ABI1: variants seen among roughly 807,000 people sequenced by gnomAD.
ABI1 encodes the protein abl interactor 1.
Under a neutral mutation model 54.6 loss-of-function variants are expected in ABI1, and 14 were observed. The ratio of observed to expected loss-of-function variants is 0.26; its 90% CI spans 0.17 to 0.40. ABI1 has a LOEUF of 0.40. ABI1 is among the 10% of genes least tolerant of loss of function. The pLI is 1.00. For synonymous variants in ABI1, 194 were observed against 209.3 expected (o/e 0.93, Z 0.63); for missense variants, 443 against 598.3 (o/e 0.74, Z 2.71).
chr10:26,855,950 G>A (rs10829124), intron 1 of ABI1, among the ~76,000 whole-genome samples: 36,069 of 133,380 alleles, frequency 0.27, 5,052 homozygotes, highest in South Asian at 0.44. Context: ...CAGCCTGGGT[G>A]ACAGAGCAAG....
rs546613202 is a variant in ABI1, at chr10:26,769,751, A to G, written c.578+494T>C. ...CTACTCTAGTGTGAAGAGGCCTAAG[A>G]TTACCAGCAGAAGCATAGTTACAAG... On this transcript the variant is annotated intron_variant, in intron 5 of 10. Transcript: ENST00000376140. Among the ~76,000 whole-genome samples, 4 of 152,344 alleles carry G rather than the reference A, an allele frequency of 2.6e-5. No homozygotes were observed. In the East Asian group the frequency reaches 7.7e-4, roughly 29 times the overall value.
intron 7 of ABI1, among the ~76,000 whole-genome samples, chr10:26,760,397 A>C (rs1454434391): frequency 6.6e-6 from 1 of 152,210 alleles, no homozygotes; most frequent in African/African-American, 2.4e-5. Flanking sequence ...ATCAGATAAA[A>C]CCATACAGCA....
chr10:26,801,219 G>A (rs983717519), intron 2 of ABI1, among the ~76,000 whole-genome samples: 5 of 152,078 alleles, frequency 3.3e-5, no homozygotes, highest in East Asian at 1.9e-4. Context: ...AGCGTAATAC[G>A]GTGATGCAGT....
rs1306368705 is a variant in ABI1, at chr10:26,767,467, A to T, written c.719+1385T>A. Among the ~76,000 whole-genome samples, 3 of 152,342 alleles carry T rather than the reference A, an allele frequency of 2.0e-5. No homozygotes were observed. In the East Asian group the frequency reaches 5.8e-4, roughly 29 times the overall value. On this transcript the variant is annotated intron_variant, in intron 6 of 10. Transcript: ENST00000376140. ...GAGAGAGAAAACTGAAGAATAAAAC[A>T]AATTTGGTTATATAATAAATTTATC...
intron 2 of ABI1, among the ~76,000 whole-genome samples, chr10:26,786,264 AGT>A (rs1842725647): frequency 6.7e-6 from 1 of 148,640 alleles, no homozygotes; most frequent in Non-Finnish European, 1.5e-5. Context: ...CCTAGGCTGG[AGT>A]TCAGTGGTGC....
intron 7 of ABI1, among the ~76,000 whole-genome samples, chr10:26,763,536 T>A (rs1839507788): frequency 6.6e-6 from 1 of 152,118 alleles, no homozygotes; most frequent in Non-Finnish European, 1.5e-5. Context: ...TTCACCCTGA[T>A]CCTTTGACTG....
At chr10:26,801,020 T>G (rs569520100) in intron 2 of ABI1, among the ~76,000 whole-genome samples, 1 of 151,586 alleles carries the variant, frequency 6.6e-6, no homozygotes, top group African/African-American at 2.4e-5. Context: ...AAACAAAGGA[T>G]CAAGGTCAGA....
At chr10:26,806,368 A>C (rs904458812) in intron 2 of ABI1, among the ~76,000 whole-genome samples, 4 of 152,210 alleles carry the variant, frequency 2.6e-5, no homozygotes, top group African/African-American at 9.6e-5. Flanking sequence ...AAAGTAAGTC[A>C]AGAAATAAGG....
intron 1 of ABI1, among the ~76,000 whole-genome samples, chr10:26,827,883 G>T (rs915108879): frequency 1.3e-5 from 2 of 152,110 alleles, no homozygotes; most frequent in Admixed American, 1.3e-4. Context: ...GTGAGCCACC[G>T]CACCCGGCCA....
Position 26,758,210 on chromosome 10 carries a change from T to C in ABI1, c.997+852A>G, listed in dbSNP as rs572219602. 3.9e-4 allele frequency among the ~76,000 whole-genome samples: 59 copies of C among 152,162 alleles called. No homozygotes were observed. In the South Asian group the frequency reaches 8.5e-3, roughly 22 times the overall value. ...ATTCACTGAGTATTAAGTGTTTTTA[T>C]ATAAACAAAAATAACATGTGGCTCT... is the stretch of plus-strand genomic sequence containing the variant. On this transcript the variant is annotated intron_variant, in intron 8 of 10. Transcript: ENST00000376140.
In ABI1 at chr10:26,824,037, C is replaced by T. The variant is rs912985927; in HGVS notation, c.118-732G>A. 3.9e-5 allele frequency among the ~76,000 whole-genome samples: 6 copies of T among 152,032 alleles called. No individual in the cohort carries two copies. The East Asian group carries it at 1.2e-3, about 29-fold the overall frequency. On this transcript the variant is annotated intron_variant, in intron 1 of 10. Coordinates refer to ENST00000376140, the MANE Select transcript of ABI1 (RefSeq NM_001012750.3). ...CATTTATTTCTCCAGGTATCAGTGT[C>T]ATGAACTCAGAGACTAAACAAAATG...
At chr10:26,843,453 C>CAAAAAAAAAAAAAAAAA (rs147957853) in intron 1 of ABI1, among the ~76,000 whole-genome samples, 1 of 53,084 alleles carries the variant, frequency 1.9e-5, no homozygotes, top group Non-Finnish European at 4.0e-5. Flanking sequence ...GACTCCGTCT[C>CAAAAAAAAAAAAAAAAA]AAAAAAAAAA....
chr10:26,804,987 G>C (rs1564521441), intron 2 of ABI1, among the ~76,000 whole-genome samples: 1 of 152,124 alleles, frequency 6.6e-6, no homozygotes, highest in Non-Finnish European at 1.5e-5. Context: ...AACAAAGAGA[G>C]GGCCAGTAAC....
chr10:26,818,657 G>A (rs930535808), intron 2 of ABI1, among the ~76,000 whole-genome samples: 86 of 127,460 alleles, frequency 6.7e-4, no homozygotes, highest in African/African-American at 2.6e-3. Context: ...AAAGAGCAAA[G>A]CATTGTGGGG....
intron 2 of ABI1, among the ~76,000 whole-genome samples, chr10:26,792,899 T>C (rs1564507413): frequency 6.6e-6 from 1 of 152,182 alleles, no homozygotes; most frequent in African/African-American, 2.4e-5. Flanking sequence ...AAATAACACA[T>C]ATGCTTCTTT....
chr10:26,787,823 C>T (rs1842893568), intron 2 of ABI1, among the ~76,000 whole-genome samples: 1 of 150,872 alleles, frequency 6.6e-6, no homozygotes, highest in Non-Finnish European at 1.5e-5. Flanking sequence ...AACTAGATGG[C>T]CCAGGAGAGT....
At position 26,823,155 on chromosome 10, in the gene ABI1, T is replaced by C. The variant is rs2133800556; in HGVS notation, c.268A>G (p.Ile90Val). Residue 90 changes from isoleucine to valine, a missense_variant, in exon 2 of 11, where the codon ATC (isoleucine) becomes GTC (valine). Ile to Val is a conservative substitution (Grantham distance 29, BLOSUM62 3). This residue lies in a region of ABI1 where 394 missense variants were observed against 484.8 expected (regional missense o/e 0.81). Transcript: ENST00000376140. ...ASQLRRMESS[I>V]NHISQTVDIH... Reference sequence around the variant, plus strand: ...GCTGTTACCTGTGAGATATGATTGATGGAAGACTCCATTCTCCGAAGCTGA... The same window carrying C: ...GCTGTTACCTGTGAGATATGATTGACGGAAGACTCCATTCTCCGAAGCTGA... 4 of 1,598,086 alleles carry C rather than the reference T, an allele frequency of 2.5e-6. No individual in the cohort carries two copies. In the South Asian group the frequency reaches 3.5e-5, roughly 14 times the overall value.
intron 1 of ABI1, among the ~76,000 whole-genome samples, chr10:26,836,857 C>T (rs1282832702): frequency 6.6e-6 from 1 of 152,188 alleles, no homozygotes; most frequent in African/African-American, 2.4e-5. Context: ...TAGCCAAATA[C>T]ACCCTAAATG....
At chr10:26,771,987 A>G (rs914908769) in intron 3 of ABI1, among the ~76,000 whole-genome samples, 2 of 151,624 alleles carry the variant, frequency 1.3e-5, no homozygotes, top group Non-Finnish European at 2.9e-5. Context: ...GGGGGCTTCA[A>G]GCTTTTTTTT....
Sources: gnomAD v4.1 joint callset for allele counts (sites outside exome capture counted in the v4.1 genomes callset) on GRCh38, gnomAD v4.1.1 for gene constraint, gnomAD v4.1.1 regional missense constraint, MANE v1.5 for transcripts, NCBI Gene and HGNC (gene_info 2026-07-23, HGNC 2026-07-21) for gene names.